Variants in PLCH1 observed in about 807,000 individuals in gnomAD.
PLCH1 encodes phospholipase C eta 1.
A neutral mutation model predicts 126.7 loss-of-function variants in PLCH1; 60 were observed. The ratio of observed to expected loss-of-function variants is 0.47; its 90% CI spans 0.38 to 0.59. PLCH1 has a LOEUF of 0.59. PLCH1 is among the 20% of genes least tolerant of loss of function. PLCH1 has a pLI of 0.00. For synonymous variants in PLCH1, 719 were observed against 734.9 expected (o/e 0.98, Z 0.35); for missense variants, 1,723 against 2,040.0 (o/e 0.84, Z 2.99).
intron 10 of PLCH1, among the ~76,000 whole-genome samples, chr3:155,533,798 C>G (rs558169634): frequency 1.3e-5 from 2 of 152,316 alleles, no homozygotes; most frequent in South Asian, 4.2e-4. Context: ...ACTTGGTACT[C>G]TACAACCTAG....
At chr3:155,727,967 G>A (rs933628427) in intron 1 of PLCH1, among the ~76,000 whole-genome samples, 24 of 151,432 alleles carry the variant, frequency 1.6e-4, no homozygotes, top group Non-Finnish European at 3.2e-4. Context: ...ATAACCAAAA[G>A]GCCCCTTCTC....
intron 10 of PLCH1, among the ~76,000 whole-genome samples, chr3:155,537,696 T>C (rs142945641): frequency 0.011 from 1,647 of 152,006 alleles, 32 homozygotes; most frequent in African/African-American, 0.038. Flanking sequence ...CAGGAAAATA[T>C]CACAATCCTA....
intron 1 of PLCH1, among the ~76,000 whole-genome samples, chr3:155,736,899 TG>T (rs1280017581): frequency 6.6e-6 from 1 of 152,062 alleles, no homozygotes; most frequent in Non-Finnish European, 1.5e-5. Flanking sequence ...TTTCATTTTA[TG>T]TATTAAGTTG....
intron 2 of PLCH1, among the ~76,000 whole-genome samples, chr3:155,601,245 G>C (rs1733700757): frequency 6.6e-6 from 1 of 152,124 alleles, no homozygotes; most frequent in Non-Finnish European, 1.5e-5. Context: ...CCAAAGTGCT[G>C]GGATTACAGG....
At chr3:155,510,816 A>G (rs1433474046) in intron 12 of PLCH1, among the ~76,000 whole-genome samples, 1 of 98,870 alleles carries the variant, frequency 1.0e-5, no homozygotes, top group Non-Finnish European at 1.9e-5. Context: ...ACTTTGGTGA[A>G]TCTGACAATT....
At chr3:155,687,415 T>C (rs1745035692) in intron 2 of PLCH1, among the ~76,000 whole-genome samples, 1 of 152,144 alleles carries the variant, frequency 6.6e-6, no homozygotes, top group African/African-American at 2.4e-5. Flanking sequence ...TCACTTTATA[T>C]AAATTAATCT....
rs140102410 is a variant in PLCH1, at chr3:155,690,088, A to G, written c.79+14058T>C. ...AAAGAACATACAATGCAGCGCCAATACGTCTTGCAGCAGACTTTTCAGTGG... is the reference window on the plus strand; with the variant it reads ...AAAGAACATACAATGCAGCGCCAATGCGTCTTGCAGCAGACTTTTCAGTGG... On this transcript the variant is annotated intron_variant, in intron 2 of 22. Coordinates refer to ENST00000460012, the MANE Select transcript of PLCH1 (RefSeq NM_014996.4). Among the ~76,000 whole-genome samples, 488 of 152,278 alleles carry G rather than the reference A, an allele frequency of 3.2e-3. 2 individuals are homozygous for G. Among genetic ancestry groups the G allele is most frequent in the South Asian group, 0.02 (97 of 4,830 alleles).
At chr3:155,470,743 C>A (rs2107982489) in intron 21 of PLCH1, among the ~76,000 whole-genome samples, 1 of 152,102 alleles carries the variant, frequency 6.6e-6, no homozygotes, top group Middle Eastern at 3.4e-3. Flanking sequence ...AGAAACCCTA[C>A]AAGCCAGAAG....
chr3:155,589,248 C>T (rs1381074167), intron 4 of PLCH1, among the ~76,000 whole-genome samples: 2 of 152,034 alleles, frequency 1.3e-5, no homozygotes, highest in Non-Finnish European at 2.9e-5. Context: ...GACATTTGCT[C>T]TCAGCTGCAA....
Position 155,482,089 on chromosome 3 carries a change from T to C in PLCH1, c.3937A>G (p.Lys1313Glu). Residue 1313 changes from lysine (K) to glutamate (E), a missense_variant, in exon 23 of 23, where the codon AAG (lysine) becomes GAG (glutamate). Transcript: ENST00000460012. Reference protein sequence around the residue: ...SRGWLPKSPTKGEDWETLKSC... With the variant: ...SRGWLPKSPTEGEDWETLKSC... ...TTCAGTGTTTCCCAGTCTTCTCCCT[T>C]GGTAGGACTTTTTGGTAACCAGCCA... 6.2e-7 allele frequency: 1 copy of C among 1,614,172 alleles called. No homozygotes were observed. The highest frequency in any genetic ancestry group is 8.5e-7 in the Non-Finnish European group (1 of 1,180,026).
At chr3:155,633,419 CACACACACACACA>C in intron 2 of PLCH1, among the ~76,000 whole-genome samples, 3 of 74,864 alleles carry the variant, frequency 4.0e-5, no homozygotes, top group East Asian at 1.2e-3. Context: ...ACATCACACA[CACACACACACACA>C]CACACACACA....
chr3:155,572,949 T>C (rs1729424590), intron 6 of PLCH1, among the ~76,000 whole-genome samples: 1 of 152,138 alleles, frequency 6.6e-6, no homozygotes, highest in African/African-American at 2.4e-5. Context: ...GGTGTAGCTA[T>C]GTTGCCCAGG....
downstream of PLCH1, among the ~76,000 whole-genome samples, chr3:155,477,237 T>C (rs753397447): frequency 1.3e-5 from 2 of 152,104 alleles, no homozygotes; most frequent in African/African-American, 2.4e-5. Context: ...TCTCGCCATA[T>C]ACAAAAATCA....
downstream of PLCH1, among the ~76,000 whole-genome samples, chr3:155,476,741 G>A (rs923890989): frequency 1.3e-5 from 2 of 151,886 alleles, no homozygotes; most frequent in African/African-American, 4.8e-5. Context: ...ACTGATGAAG[G>A]AAATTGAAAA....
At chr3:155,676,270 T>C in intron 2 of PLCH1, 1 of 1,186,352 alleles carries the variant, frequency 8.4e-7, no homozygotes, top group Non-Finnish European at 1.0e-6. Flanking sequence ...TATAGAACTT[T>C]GTCCCAAAGT....
intron 10 of PLCH1, among the ~76,000 whole-genome samples, chr3:155,532,375 G>A (rs1448377752): frequency 6.8e-6 from 1 of 146,228 alleles, no homozygotes; most frequent in Non-Finnish European, 1.5e-5. Flanking sequence ...AAAGTGTGAG[G>A]AGGGAAGATC....
At chr3:155,743,928 A>G (rs1448286726) in intron 1 of PLCH1, among the ~76,000 whole-genome samples, 1 of 152,116 alleles carries the variant, frequency 6.6e-6, no homozygotes, top group Non-Finnish European at 1.5e-5. Flanking sequence ...GGGGATTTCA[A>G]TTGCTGCCCT....
chr3:155,627,327 G>A (rs1343100248), intron 2 of PLCH1, among the ~76,000 whole-genome samples: 2 of 152,102 alleles, frequency 1.3e-5, no homozygotes, highest in Non-Finnish European at 2.9e-5. Context: ...TGTTTGTAAT[G>A]GTTTAAAAAC....
chr3:155,584,970 G>A (rs1301486327), intron 5 of PLCH1, among the ~76,000 whole-genome samples: 4 of 152,078 alleles, frequency 2.6e-5, no homozygotes, highest in African/African-American at 7.2e-5. Context: ...GAGATGACAC[G>A]GAATACCAGA....
Sources: gnomAD v4.1 joint callset for allele counts (sites outside exome capture counted in the v4.1 genomes callset) on GRCh38, gnomAD v4.1.1 for gene constraint, MANE v1.5 for transcripts, NCBI Gene and HGNC (gene_info 2026-07-23, HGNC 2026-07-21) for gene names.